Variants in NBPF9 observed in about 807,000 individuals in gnomAD.
NBPF9 encodes NBPF family member NBPF9.
A neutral mutation model predicts 97.8 loss-of-function variants in NBPF9; 91 were observed. That is an observed-to-expected ratio of 0.93 (90% confidence interval 0.79 to 1.11). NBPF9 has a LOEUF of 1.11. Among genes scored for constraint, NBPF9 ranks in the 50% least tolerant of loss-of-function variants. The pLI is 0.00. For synonymous variants in NBPF9, 334 were observed against 359.5 expected, an observed-to-expected ratio of 0.93 and a Z score of 0.80; for missense variants, 992 against 939.5, an observed-to-expected ratio of 1.06 and a Z score of -0.73.
At chr1:149,087,143 T>C (rs2081068058) in intron 5 of NBPF9, among the ~76,000 whole-genome samples, 1 of 152,044 alleles carries the variant, frequency 6.6e-6, no homozygotes, top group African/African-American at 2.4e-5. Context: ...CATCTTTTCC[T>C]ATGCTAATTG....
chr1:149,071,288 C>A (rs1327188532), intron 15 of NBPF9, 149 bp from the exon 16 acceptor site: 5 of 1,385,202 alleles, frequency 3.6e-6, no homozygotes, highest in African/African-American at 2.8e-5. Flanking sequence ...ACAGGTAATC[C>A]TCTTCTCTCT....
rs1484859157 is a variant in NBPF9 at position 149,082,953 on chromosome 1, T to TC, written c.-194-524_-194-523insG. Among the ~76,000 whole-genome samples the TC allele has an allele frequency of 8.0e-4, 48 of 60,092 alleles. 3 individuals carry two copies. Among genetic ancestry groups the TC allele is most frequent in the African/African-American group, 2.4e-4 (3 of 12,590 alleles). The allele number at this position is 60,092 out of a possible 152,430, so 39.4% of individuals were successfully genotyped here. ...CGCCACCACGCCTGGCTAATTTTTC[T>TC]TTTCTTTTTTTTTTTTTTTTTTTTT... On this transcript the variant is annotated intron_variant, in intron 5 of 29. Transcript: ENST00000584027.
chr1:149,071,159 A>G lies in NBPF9; in HGVS notation c.1380-20T>C. The G allele has an allele frequency of 7.0e-7, 1 of 1,423,790 alleles. No individual in the cohort carries two copies. The highest frequency in any genetic ancestry group is 2.3e-5 in the East Asian group (1 of 43,746). 88.2% of individuals were successfully genotyped at this position (1,423,790 alleles called of 1,614,324 possible). On this transcript the variant is annotated intron_variant, in intron 15 of 29. Coordinates refer to ENST00000584027, the Ensembl canonical transcript of NBPF9. ...ATCTCCCTGATGAGCCAGGTGGGAC[A>G]GAGATGACAGAAGATTAAACACAGA... is the stretch of plus-strand genomic sequence containing the variant.
chr1:149,100,171 T>C (rs587743716), intron 3 of NBPF9, among the ~76,000 whole-genome samples: 2 of 140,742 alleles, frequency 1.4e-5, no homozygotes, highest in Non-Finnish European at 3.0e-5. Flanking sequence ...GACAGGAAGA[T>C]TGTAAAAATT....
chr1:149,081,215 G>T (rs1339113988), intron 7 of NBPF9, among the ~76,000 whole-genome samples: 1 of 151,334 alleles, frequency 6.6e-6, no homozygotes, highest in East Asian at 2.0e-4. Flanking sequence ...TGCCTGCTGG[G>T]TTCAAAGGAT....
intron 5 of NBPF9, among the ~76,000 whole-genome samples, chr1:149,087,782 T>G (rs1399932693): frequency 6.2e-4 from 94 of 151,486 alleles, no homozygotes; most frequent in African/African-American, 2.2e-3. Flanking sequence ...AAGCAATTTT[T>G]TGTAGTTTTT....
chr1:149,090,395 C>G (rs587663584), intron 5 of NBPF9: 1 of 231,800 alleles, frequency 4.3e-6, no homozygotes, highest in South Asian at 5.8e-5. Context: ...AATTCTATGA[C>G]CATCTGTTTC....
intron 21 of NBPF9, 99 bp from the exon 22 acceptor site, chr1:149,062,364 GA>G: frequency 1.5e-6 from 1 of 645,504 alleles, no homozygotes. Context: ...TGTTTAAAAA[GA>G]AAAAGGACAG....
At chr1:149,087,355 G>C (rs2081097630) in intron 5 of NBPF9, among the ~76,000 whole-genome samples, 2 of 148,550 alleles carry the variant, frequency 1.3e-5, no homozygotes, top group Non-Finnish European at 3.0e-5. Flanking sequence ...ACACACGTTT[G>C]TGTGTGTATG....
At chr1:149,082,957 C>CTTTTTTTTTTTT (rs1157992196) in intron 5 of NBPF9, among the ~76,000 whole-genome samples, 699 of 66,454 alleles carry the variant, frequency 0.011, 5 homozygotes, top group East Asian at 0.019. Context: ...TTTTTCTTTT[C>CTTTTTTTTTTTT]TTTTTTTTTT....
exon 7 of NBPF9, chr1:149,081,979 C>T (rs1385981328): frequency 4.7e-5 from 75 of 1,594,388 alleles, no homozygotes; most frequent in African/African-American, 2.7e-4. Context: ...TTTCTTCTGT[C>T]GGTTGGCCAG....
chr1:149,077,774 G>A (rs1276666979), intron 10 of NBPF9, 109 bp downstream of exon 10: 13 of 1,484,760 alleles, frequency 8.8e-6, no homozygotes, highest in Non-Finnish European at 1.1e-5. Flanking sequence ...ACATACTGTG[G>A]CCAAGGGGAT....
chr1:149,084,840 G>A (rs2080857813), intron 5 of NBPF9, among the ~76,000 whole-genome samples: 1 of 149,672 alleles, frequency 6.7e-6, no homozygotes, highest in South Asian at 2.2e-4. Context: ...CTGCAGGATG[G>A]GGAATTGACC....
chr1:149,097,078 G>A (rs1423233489), intron 4 of NBPF9, among the ~76,000 whole-genome samples: 3 of 146,340 alleles, frequency 2.1e-5, no homozygotes, highest in Admixed American at 6.8e-5. Context: ...AGGAGGAAGG[G>A]AGGAAGGAAG....
Position 149,059,765 on chromosome 1 carries a change from T to A in NBPF9, c.2520A>T (p.Arg840Ser), listed in dbSNP as rs2152866698. 3.5e-6 allele frequency: 2 copies of A among 574,626 alleles called. 1 individual carries two copies. Among genetic ancestry groups the A allele is most frequent in the South Asian group, 3.9e-5 (2 of 51,816 alleles). 35.6% of individuals were successfully genotyped at this position (574,626 alleles called of 1,614,324 possible). A position where few individuals can be genotyped will look rare whatever the true frequency, so the allele number is the denominator to read the frequency against. ...TTCCCCTTCTTCTTTTCTTCTTTGA[T>A]CTTCTTCCCCTTCTTTTCTTCCCCT... Residue 840 changes from arginine (R) to serine (S), a missense_variant, in exon 25 of 30, where the codon AGA becomes AGT. Arg to Ser is a moderately radical substitution (Grantham distance 110). This residue lies in a region of NBPF9 where 397 missense variants were observed against 213.6 expected (regional missense o/e 1.86). Coordinates refer to ENST00000584027, the Ensembl canonical transcript of NBPF9.
chr1:149,086,506 C>T (rs1273661257), intron 5 of NBPF9, among the ~76,000 whole-genome samples: 1 of 150,466 alleles, frequency 6.6e-6, no homozygotes, highest in African/African-American at 2.4e-5. Flanking sequence ...CTCCAAACCT[C>T]TGTGATTTAG....
At chr1:149,079,567 C>A (rs1415068105) in intron 8 of NBPF9, among the ~76,000 whole-genome samples, 1 of 147,878 alleles carries the variant, frequency 6.8e-6, no homozygotes, top group Non-Finnish European at 1.5e-5. Context: ...GTGCATCTTG[C>A]GGCCACTAGA....
intron 12 of NBPF9, among the ~76,000 whole-genome samples, chr1:149,075,372 T>C (rs1348156725): frequency 6.6e-6 from 1 of 152,232 alleles, no homozygotes; most frequent in Non-Finnish European, 1.5e-5. Flanking sequence ...GAAAACACGA[T>C]TGAGCCTCTT....
intron 7 of NBPF9, among the ~76,000 whole-genome samples, chr1:149,081,274 G>A (rs1384195778): frequency 6.6e-6 from 1 of 151,996 alleles, no homozygotes; most frequent in Admixed American, 6.6e-5. Context: ...TGCCCTCCAC[G>A]ACGCCCATCT....
Sources: gnomAD v4.1 joint callset for allele counts (sites outside exome capture counted in the v4.1 genomes callset) on GRCh38, gnomAD v4.1.1 for gene constraint, gnomAD v4.1.1 regional missense constraint, MANE v1.5 for transcripts, NCBI Gene and HGNC (gene_info 2026-07-23, HGNC 2026-07-21) for gene names.